SLC35F1: variants seen among roughly 807,000 people sequenced by gnomAD.
SLC35F1 encodes chromosome 6 open reading frame 169.
SLC35F1 carries 14 observed loss-of-function variants against 48.7 expected under a neutral mutation model. The observed-to-expected ratio is 0.29, with a 90% CI of 0.19 to 0.45. The LOEUF (loss-of-function observed/expected upper bound fraction) is 0.45. SLC35F1 is among the 20% of genes least tolerant of loss of function. SLC35F1 has a pLI of 1.00. For synonymous variants in SLC35F1, 190 were observed against 202.2 expected (o/e 0.94, Z 0.51); for missense variants, 404 against 500.0 (o/e 0.81, Z 1.83).
chr6:118,308,032 C>G (rs1776333001), intron 7 of SLC35F1, among the ~76,000 whole-genome samples: 1 of 152,184 alleles, frequency 6.6e-6, no homozygotes, highest in Non-Finnish European at 1.5e-5. Flanking sequence ...GCCGAAAGGT[C>G]CACCCTTTAA....
chr6:118,292,424 TGA>T (rs1776136001), intron 7 of SLC35F1, among the ~76,000 whole-genome samples: 1 of 152,146 alleles, frequency 6.6e-6, no homozygotes. Flanking sequence ...GACACTGATG[TGA>T]GAGAGTACCG....
chr6:118,142,829 T>C (rs375433054), intron 1 of SLC35F1, among the ~76,000 whole-genome samples: 1 of 152,176 alleles, frequency 6.6e-6, no homozygotes, highest in East Asian at 1.9e-4. Context: ...ATTGGAGTCA[T>C]CTTTTGATGC....
At chr6:118,128,810 A>G (rs1038102021) in intron 1 of SLC35F1, among the ~76,000 whole-genome samples, 1 of 151,430 alleles carries the variant, frequency 6.6e-6, no homozygotes, top group African/African-American at 2.4e-5. Flanking sequence ...TTAAAGTATA[A>G]TAATAAAAAT....
At chr6:118,049,764 G>A (rs1322466956) in intron 1 of SLC35F1, among the ~76,000 whole-genome samples, 5 of 151,884 alleles carry the variant, frequency 3.3e-5, no homozygotes, top group Admixed American at 6.6e-5. Context: ...TACACTGTTG[G>A]TGGGACTGTA....
chr6:117,921,053 GACACACACACACACACACACACACACAC>G (rs60793418), intron 1 of SLC35F1, among the ~76,000 whole-genome samples: 1 of 149,392 alleles, frequency 6.7e-6, no homozygotes, highest in African/African-American at 2.5e-5. Context: ...ATTTCTCTTT[GACACACACACACACACACACACACACAC>G]ACACACACAC....
At chr6:117,934,971 G>A (rs567096650) in intron 1 of SLC35F1, among the ~76,000 whole-genome samples, 25 of 152,282 alleles carry the variant, frequency 1.6e-4, no homozygotes, top group African/African-American at 3.6e-4. Flanking sequence ...GCTGGACATC[G>A]TGGTGAATGC....
chr6:118,005,644 A>C (rs1056078635), intron 1 of SLC35F1, among the ~76,000 whole-genome samples: 3 of 152,076 alleles, frequency 2.0e-5, no homozygotes, highest in African/African-American at 4.8e-5. Flanking sequence ...TACTTAAACC[A>C]CTTTAGCATC....
At chr6:118,130,879 A>G (rs1773699950) in intron 1 of SLC35F1, among the ~76,000 whole-genome samples, 1 of 152,228 alleles carries the variant, frequency 6.6e-6, no homozygotes, top group Non-Finnish European at 1.5e-5. Context: ...TAAGGAAGGG[A>G]GAAATGATGT....
At chr6:118,084,611 A>G (rs9320639) in intron 1 of SLC35F1, among the ~76,000 whole-genome samples, 108,811 of 151,926 alleles carry the variant, frequency 0.72, 40,119 homozygotes, top group Non-Finnish European at 0.82. Flanking sequence ...GCTTCAAAGC[A>G]ATACTAAAGT....
At chr6:117,952,608 T>G (rs1007420911) in intron 1 of SLC35F1, among the ~76,000 whole-genome samples, 6 of 152,206 alleles carry the variant, frequency 3.9e-5, no homozygotes, top group Admixed American at 1.3e-4. Context: ...CTGTAGCAAC[T>G]GTCAATATTT....
intron 1 of SLC35F1, among the ~76,000 whole-genome samples, chr6:118,050,346 C>A (rs1019702196): frequency 2.0e-5 from 3 of 149,976 alleles, no homozygotes; most frequent in Non-Finnish European, 3.0e-5. Flanking sequence ...GCGCATGTAC[C>A]CTAAAACTTA....
intron 1 of SLC35F1, among the ~76,000 whole-genome samples, chr6:118,028,506 A>T (rs1349345496): frequency 1.3e-5 from 2 of 152,132 alleles, no homozygotes; most frequent in Non-Finnish European, 2.9e-5. Context: ...CAAATTAGGA[A>T]GGATGAATGA....
chr6:117,926,152 A>G (rs1776024563), intron 1 of SLC35F1, among the ~76,000 whole-genome samples: 1 of 152,110 alleles, frequency 6.6e-6, no homozygotes, highest in South Asian at 2.1e-4. Flanking sequence ...CCACTTGTCA[A>G]GGGTGGGACC....
In SLC35F1 at chr6:118,314,037, C is replaced by T. The variant is rs764765536; in HGVS notation, c.1012C>T (p.Leu338Phe). 1 of 1,614,158 alleles carries T rather than the reference C, an allele frequency of 6.2e-7. No individual in the cohort carries two copies. Among genetic ancestry groups the T allele is most frequent in the Non-Finnish European group, 8.5e-7 (1 of 1,180,022 alleles). ...TGTTGTGTTTTTTTAGTTTTCAGGA[C>T]TTTATCTCCTGTCTTTCTTCACCAT... ...LFLFHYKFSG[L>F]YLLSFFTILI... is the part of the protein sequence containing the mutation. Residue 338 changes from leucine to phenylalanine, a missense_variant, in exon 8 of 8, where the codon CTT (leucine) becomes TTT (phenylalanine). Physicochemically the swap from Leu to Phe is conservative, Grantham distance 22. This residue lies in a region of SLC35F1 where 306 missense variants were observed against 419.1 expected (regional missense o/e 0.73). Transcript: ENST00000360388.
At chr6:118,122,833 C>G (rs745395306) in intron 1 of SLC35F1, among the ~76,000 whole-genome samples, 1 of 152,112 alleles carries the variant, frequency 6.6e-6, no homozygotes, top group South Asian at 2.1e-4. Flanking sequence ...ATAAAATGCC[C>G]GACACCTAAT....
chr6:118,066,584 T>C (rs557435963), intron 1 of SLC35F1, among the ~76,000 whole-genome samples: 1 of 152,290 alleles, frequency 6.6e-6, no homozygotes, highest in African/African-American at 2.4e-5. Context: ...AAACTATGCC[T>C]GGGCTCTTGA....
At chr6:118,075,509 T>G (rs1388146009) in intron 1 of SLC35F1, among the ~76,000 whole-genome samples, 2 of 152,210 alleles carry the variant, frequency 1.3e-5, no homozygotes, top group East Asian at 3.9e-4. Context: ...ATGCAAAGAT[T>G]AAGATGACAA....
At chr6:117,969,245 C>G (rs1008919817) in intron 1 of SLC35F1, among the ~76,000 whole-genome samples, 1 of 152,142 alleles carries the variant, frequency 6.6e-6, no homozygotes, top group Non-Finnish European at 1.5e-5. Context: ...TAGGCTGAAA[C>G]AACTTTATGC....
intron 1 of SLC35F1, among the ~76,000 whole-genome samples, chr6:117,944,586 T>TACACACACACACACACACACACAC (rs373551582): frequency 6.8e-6 from 1 of 146,280 alleles, no homozygotes; most frequent in Non-Finnish European, 1.5e-5. Context: ...AACACACACA[T>TACACACACACACACACACACACAC]ACACATACAC....
Sources: allele counts gnomAD v4.1 joint callset (sites outside exome capture counted in the v4.1 genomes callset), GRCh38; gene constraint gnomAD v4.1.1; regional missense constraint gnomAD v4.1.1; transcripts MANE v1.5; gene names NCBI Gene and HGNC (gene_info 2026-07-23, HGNC 2026-07-21).